The following FARS2 variants were observed in gnomAD, a reference collection of about 807,000 sequenced individuals.
The protein encoded by FARS2 is phenylalanine--tRNA ligase, mitochondrial.
Under a neutral mutation model 46.4 loss-of-function variants are expected in FARS2, and 40 were observed. The ratio of observed to expected loss-of-function variants is 0.86; its 90% CI spans 0.67 to 1.12. The LOEUF (loss-of-function observed/expected upper bound fraction) is 1.12. Among genes scored for constraint, FARS2 ranks in the 50% most tolerant of loss-of-function variants. FARS2 has a pLI of 0.00. For missense variants in FARS2, 513 were observed against 567.9 expected (o/e 0.90, Z 0.98); for synonymous variants, 234 against 214.9 (o/e 1.09, Z -0.78).
intron 6 of FARS2, among the ~76,000 whole-genome samples, chr6:5,715,127 C>G (rs991157027): frequency 1.3e-5 from 2 of 152,158 alleles, no homozygotes. Flanking sequence ...AACTCGTGCA[C>G]GCCCATATTA....
Position 5,273,880 on chromosome 6 carries a change from A to T in FARS2, c.-22+12220A>T, listed in dbSNP as rs1766142254. On this transcript the variant is annotated intron_variant, in intron 1 of 6. Transcript: ENST00000274680. ...GAGAGATAGGAACTTAGCATCATTTATTGAAGAGTGTTTTTTTTCCCCATT... is the reference window on the plus strand; with the variant it reads ...GAGAGATAGGAACTTAGCATCATTTTTTGAAGAGTGTTTTTTTTCCCCATT... Among the ~76,000 whole-genome samples, 2 of 152,142 alleles carry T rather than the reference A, an allele frequency of 1.3e-5. 1 individual carries two copies. The highest frequency in any genetic ancestry group is 4.1e-4 in the South Asian group (2 of 4,830).
At chr6:5,522,013 A>C (rs73356382) in intron 4 of FARS2, among the ~76,000 whole-genome samples, 2 of 152,174 alleles carry the variant, frequency 1.3e-5, no homozygotes, top group South Asian at 4.1e-4. Flanking sequence ...TGGTGACTCC[A>C]GATTCCTCTT....
At chr6:5,441,851 T>C (rs891371595) in intron 4 of FARS2, among the ~76,000 whole-genome samples, 3 of 152,254 alleles carry the variant, frequency 2.0e-5, no homozygotes, top group Non-Finnish European at 4.4e-5. Flanking sequence ...CCAATTTATA[T>C]TGTCTTGAGC....
chr6:5,534,376 A>C (rs537187039), intron 4 of FARS2, among the ~76,000 whole-genome samples: 2 of 152,212 alleles, frequency 1.3e-5, no homozygotes, highest in South Asian at 2.1e-4. Context: ...ACCACTATCT[A>C]TCTCCAAAAT....
At chr6:5,602,645 CAAAA>C (rs55712653) in intron 5 of FARS2, among the ~76,000 whole-genome samples, 2,751 of 71,842 alleles carry the variant, frequency 0.038, 46 homozygotes, top group African/African-American at 0.11. Context: ...GACTCCGTCT[CAAAA>C]AAAAAAAAAA....
At chr6:5,686,346 C>CA (rs1052498121) in intron 6 of FARS2, among the ~76,000 whole-genome samples, 1 of 148,642 alleles carries the variant, frequency 6.7e-6, no homozygotes, top group African/African-American at 2.6e-5. Context: ...ATGCTCTCCC[C>CA]CCCCGCTGCC....
intron 3 of FARS2, among the ~76,000 whole-genome samples, chr6:5,413,369 A>G (rs1409993575): frequency 6.6e-6 from 1 of 152,064 alleles, no homozygotes; most frequent in Non-Finnish European, 1.5e-5. Flanking sequence ...TGAAAATTTT[A>G]GGGCTGCTGT....
chr6:5,667,531 A>ATT (rs1554123157), intron 6 of FARS2, among the ~76,000 whole-genome samples: 7 of 150,574 alleles, frequency 4.6e-5, no homozygotes, highest in African/African-American at 1.7e-4. Context: ...AAAAAAAAAA[A>ATT]AAGATTATAT....
chr6:5,596,842 A>G (rs1283214291), intron 5 of FARS2, among the ~76,000 whole-genome samples: 4 of 152,314 alleles, frequency 2.6e-5, no homozygotes, highest in South Asian at 2.1e-4. Context: ...TCAGTTTACA[A>G]TGTAGGAAGG....
At chr6:5,388,075 CTTTT>C (rs1760253058) in intron 2 of FARS2, among the ~76,000 whole-genome samples, 1 of 151,294 alleles carries the variant, frequency 6.6e-6, no homozygotes, top group Non-Finnish European at 1.5e-5. Flanking sequence ...CATTTTTGTT[CTTTT>C]GTTTCTAAAC....
At chr6:5,705,686 T>C (rs1439757597) in intron 6 of FARS2, among the ~76,000 whole-genome samples, 1 of 152,208 alleles carries the variant, frequency 6.6e-6, no homozygotes, top group Non-Finnish European at 1.5e-5. Flanking sequence ...TTCCTTTTGT[T>C]TGCCTATTTG....
At chr6:5,335,904 C>T (rs1292991110) in intron 1 of FARS2, among the ~76,000 whole-genome samples, 4 of 152,072 alleles carry the variant, frequency 2.6e-5, no homozygotes, top group Non-Finnish European at 4.4e-5. Context: ...CTTTTAATTC[C>T]GTTCTTTTTG....
At chr6:5,262,334 G>C (rs1765221547) in intron 1 of FARS2, among the ~76,000 whole-genome samples, 1 of 152,128 alleles carries the variant, frequency 6.6e-6, no homozygotes, top group Non-Finnish European at 1.5e-5. Context: ...CTGGAGTGCA[G>C]TGGCGGGATC....
At position 5,613,195 on chromosome 6, in the gene FARS2, C is replaced by T. The variant is rs754931472; in HGVS notation, c.1092C>T (p.Ile364=). 2.1e-5 allele frequency: 34 copies of T among 1,612,816 alleles called. No individual in the cohort carries two copies. Among genetic ancestry groups the T allele is most frequent in the Non-Finnish European group, 2.8e-5 (33 of 1,179,450 alleles). ...CTCTTAGCAAATATCCGGCTGTGAT[C>T]AATGATATTTCATTCTGGTTGCCCT... ...FQPLSKYPAV[I]NDISFWLPSE... is the part of the protein sequence containing the mutation. The change falls in exon 6 of 7, where the codon ATC becomes ATT. Residue 364 remains isoleucine, a synonymous_variant. Coordinates refer to ENST00000274680, the MANE Select transcript of FARS2 (RefSeq NM_006567.5).
intron 1 of FARS2, among the ~76,000 whole-genome samples, chr6:5,312,854 TGTG>T (rs1041932026): frequency 6.6e-6 from 1 of 152,146 alleles, no homozygotes; most frequent in Non-Finnish European, 1.5e-5. Flanking sequence ...GTTGGTGACT[TGTG>T]GTGACGGTGG....
intron 6 of FARS2, among the ~76,000 whole-genome samples, chr6:5,746,873 G>C (rs1761675463): frequency 6.6e-6 from 1 of 152,172 alleles, no homozygotes; most frequent in Non-Finnish European, 1.5e-5. Context: ...GCTGGCAAGT[G>C]GGGAAAGGCA....
chr6:5,603,003 T>C (rs1344274336), intron 5 of FARS2, among the ~76,000 whole-genome samples: 1 of 152,218 alleles, frequency 6.6e-6, no homozygotes, highest in Admixed American at 6.5e-5. Flanking sequence ...TGAGGCATAT[T>C]GGCCTCAGTC....
At chr6:5,390,688 T>C (rs140574158) in intron 2 of FARS2, among the ~76,000 whole-genome samples, 14 of 152,328 alleles carry the variant, frequency 9.2e-5, no homozygotes, top group Non-Finnish European at 1.5e-4. Context: ...TGTTTTTCTT[T>C]GGTTCTCTTC....
intron 4 of FARS2, among the ~76,000 whole-genome samples, chr6:5,536,485 G>C (rs982425777): frequency 7.2e-5 from 11 of 152,054 alleles, no homozygotes; most frequent in Non-Finnish European, 1.5e-4. Context: ...TTATTAGTAT[G>C]GTGAAGATAA....
Sources: allele counts gnomAD v4.1 joint callset (sites outside exome capture counted in the v4.1 genomes callset), GRCh38; gene constraint gnomAD v4.1.1; transcripts MANE v1.5; gene names NCBI Gene and HGNC (gene_info 2026-07-23, HGNC 2026-07-21).